Variants in DISC1 observed in about 807,000 individuals in gnomAD.
The protein encoded by DISC1 is DISC1 scaffold protein.
DISC1 carries 57 observed loss-of-function variants against 84.5 expected under a neutral mutation model. That is an observed-to-expected ratio of 0.67 (90% CI 0.55 to 0.84). The LOEUF (loss-of-function observed/expected upper bound fraction) is 0.84. Ranked by LOEUF, DISC1 falls within the 40% of genes least tolerant of loss-of-function variation. DISC1 has a pLI of 0.00. For synonymous variants in DISC1, 411 were observed against 415.2 expected, an observed-to-expected ratio of 0.99 and a Z score of 0.12; for missense variants, 1,000 against 1,057.8, an observed-to-expected ratio of 0.95 and a Z score of 0.76.
intron 3 of DISC1, among the ~76,000 whole-genome samples, chr1:231,731,814 C>T (rs1025616540): frequency 6.6e-6 from 1 of 152,118 alleles, no homozygotes; most frequent in Non-Finnish European, 1.5e-5. Flanking sequence ...ATATTTCTTC[C>T]CCTGCCTCAC....
rs768588457 is a variant in DISC1 at position 231,795,256 on chromosome 1, T to TA, written c.1653dup (p.Ser552IlefsTer7). On this transcript the variant is annotated frameshift_variant, in exon 7 of 13. Coordinates refer to ENST00000439617, the MANE Select transcript of DISC1 (RefSeq NM_018662.3). LOFTEE classifies it high-confidence loss of function. ...AATTCTTCCAGCCTCCAGGAAAGAA[T>TA]AAAATCCCTCAACTTGTCACTTAAA... The TA allele has an allele frequency of 6.2e-7, 1 of 1,613,696 alleles. No homozygotes were observed. The highest frequency in any genetic ancestry group is 8.5e-7 in the Non-Finnish European group (1 of 1,179,686).
At position 231,730,213 on chromosome 1, in the gene DISC1, T is replaced by G. The variant is rs543593650; in HGVS notation, c.1118-19713T>G. The stretch of plus-strand genomic sequence containing the variant: ...AACACTGACTGCAACCAAAAACCAA[T>G]AGAGATAAATAATGAATGGCATTTG... On this transcript the variant is annotated intron_variant, in intron 3 of 12. Coordinates refer to ENST00000439617, the MANE Select transcript of DISC1 (RefSeq NM_018662.3). 2.6e-5 allele frequency among the ~76,000 whole-genome samples: 4 copies of G among 152,282 alleles called. No individual in the cohort carries two copies. In the South Asian group the frequency reaches 8.3e-4, roughly 32 times the overall value.
rs538594377 is a variant in DISC1, at chr1:231,722,155, A to C, written c.1117+20131A>C. 2.6e-5 allele frequency among the ~76,000 whole-genome samples: 4 copies of C among 151,486 alleles called. No individual in the cohort carries two copies. In the East Asian group the frequency reaches 7.8e-4, roughly 29 times the overall value. On this transcript the variant is annotated intron_variant, in intron 3 of 12. Transcript: ENST00000439617. ...CGACATAGCAAGACTCCATCTCAAA[A>C]AAAAAAAAAAAAAAAGCACTGCCTT...
At chr1:232,034,961 A>C (rs1156349188) in intron 12 of DISC1, among the ~76,000 whole-genome samples, 1 of 152,080 alleles carries the variant, frequency 6.6e-6, no homozygotes, top group Non-Finnish European at 1.5e-5. Flanking sequence ...CCTCCTACCC[A>C]ACTCCCATTT....
At chr1:231,765,129 G>T (rs554711028) in intron 4 of DISC1, among the ~76,000 whole-genome samples, 104 of 147,152 alleles carry the variant, frequency 7.1e-4, no homozygotes, top group African/African-American at 2.6e-3. Flanking sequence ...GGCAGAGGTT[G>T]CAGTGAGCCA....
intron 3 of DISC1, among the ~76,000 whole-genome samples, chr1:231,747,827 C>T (rs1181930962): frequency 6.6e-6 from 1 of 151,942 alleles, no homozygotes; most frequent in Non-Finnish European, 1.5e-5. Context: ...ATAGAGATTG[C>T]ACTGTTATTT....
At chr1:231,968,523 C>T (rs1159146764) in intron 10 of DISC1, among the ~76,000 whole-genome samples, 4 of 145,604 alleles carry the variant, frequency 2.7e-5, no homozygotes, top group Non-Finnish European at 6.0e-5. Context: ...ACCCGGGAGG[C>T]GGAGCTTGCA....
At position 231,762,489 on chromosome 1, in the gene DISC1, T is replaced by G. The variant is rs7511638; in HGVS notation, c.1269-4651T>G. ...AGCTGGGACTACAAGCACGTGCCAC[T>G]GTGCCTAATTTTTAGTTTTGTTTTG... is the stretch of plus-strand genomic sequence containing the variant. On this transcript the variant is annotated intron_variant, in intron 4 of 12. Coordinates refer to ENST00000439617, the MANE Select transcript of DISC1 (RefSeq NM_018662.3). Among the ~76,000 whole-genome samples the G allele has an allele frequency of 3.7e-3, 544 of 146,004 alleles. 3 individuals carry two copies. The highest frequency in any genetic ancestry group is 0.013 in the African/African-American group (516 of 39,664).
At chr1:231,918,538 T>G (rs1017905119) in intron 9 of DISC1, among the ~76,000 whole-genome samples, 7 of 152,248 alleles carry the variant, frequency 4.6e-5, no homozygotes, top group Non-Finnish European at 1.0e-4. Flanking sequence ...ATACAACATG[T>G]CTGTGTTAGA....
chr1:232,004,960 C>G (rs542436600), intron 10 of DISC1, among the ~76,000 whole-genome samples: 6 of 136,212 alleles, frequency 4.4e-5, no homozygotes, highest in Admixed American at 7.6e-5. Context: ...TTCCTTCCTT[C>G]CTTCCTTCTT....
intron 6 of DISC1, among the ~76,000 whole-genome samples, chr1:231,779,075 G>A (rs1029061042): frequency 6.6e-6 from 1 of 152,056 alleles, no homozygotes. Flanking sequence ...TGCCAGGCAG[G>A]GATAAGTCTC....
chr1:231,707,981 G>A (rs1405153270), intron 3 of DISC1, among the ~76,000 whole-genome samples: 2 of 152,130 alleles, frequency 1.3e-5, no homozygotes, highest in Non-Finnish European at 2.9e-5. Flanking sequence ...TTTCAGTTGT[G>A]TCATGTTAGT....
intron 10 of DISC1, among the ~76,000 whole-genome samples, chr1:231,970,418 G>A (rs1208206357): frequency 6.6e-6 from 1 of 152,158 alleles, no homozygotes; most frequent in African/African-American, 2.4e-5. Context: ...TTGCCCTAGA[G>A]AATGGCATGG....
intron 9 of DISC1, among the ~76,000 whole-genome samples, chr1:231,894,761 G>C (rs2087550243): frequency 6.6e-6 from 1 of 151,122 alleles, no homozygotes; most frequent in Non-Finnish European, 1.5e-5. Context: ...GTGTGTGTGT[G>C]TGTGTGTGTG....
At chr1:231,678,665 C>G (rs1382347591) in intron 1 of DISC1, among the ~76,000 whole-genome samples, 3 of 151,954 alleles carry the variant, frequency 2.0e-5, no homozygotes, top group Admixed American at 6.6e-5. Context: ...CTATCTCTCT[C>G]TCTCTCTCTT....
chr1:231,830,722 T>C (rs1383058564), intron 9 of DISC1, among the ~76,000 whole-genome samples: 1 of 152,210 alleles, frequency 6.6e-6, no homozygotes, highest in Non-Finnish European at 1.5e-5. Context: ...AAAAGGAGCG[T>C]CCATACAGGA....
intron 3 of DISC1, among the ~76,000 whole-genome samples, chr1:231,734,630 G>A (rs1319000826): frequency 1.3e-5 from 2 of 152,122 alleles, no homozygotes; most frequent in Admixed American, 6.5e-5. Context: ...GGTTTACTTG[G>A]CAAATTCTTG....
chr1:231,910,805 A>G (rs1324270631), intron 9 of DISC1, among the ~76,000 whole-genome samples: 1 of 152,094 alleles, frequency 6.6e-6, no homozygotes, highest in Non-Finnish European at 1.5e-5. Flanking sequence ...ATTGTGTGGG[A>G]ATCTAAGTCT....
Position 232,036,880 on chromosome 1 carries a change from G to C in DISC1, c.*49G>C. On this transcript the variant is annotated 3_prime_UTR_variant, in exon 13 of 13. Transcript: ENST00000439617. The stretch of plus-strand genomic sequence containing the variant: ...GGTGGGCCACCATGTTTGGACCCGG[G>C]GGGCTGCTCTTCCCTCCCCCGCCAT... The C allele has an allele frequency of 2.1e-6, 3 of 1,448,970 alleles. No homozygotes were observed. The highest frequency in any genetic ancestry group is 2.8e-6 in the Non-Finnish European group (3 of 1,083,566). 89.8% of individuals were successfully genotyped at this position (1,448,970 alleles called of 1,614,324 possible). A position where few individuals can be genotyped will look rare whatever the true frequency, so the allele number is the denominator to read the frequency against.
Sources: gnomAD v4.1 joint callset for allele counts (sites outside exome capture counted in the v4.1 genomes callset) on GRCh38, gnomAD v4.1.1 for gene constraint, MANE v1.5 for transcripts, NCBI Gene and HGNC (gene_info 2026-07-23, HGNC 2026-07-21) for gene names.